The following ZFP64 variants were observed in gnomAD, a reference collection of about 807,000 sequenced individuals.
ZFP64 encodes the protein zinc finger protein 64.
Under a neutral mutation model 51.6 loss-of-function variants are expected in ZFP64, and 14 were observed. The observed-to-expected ratio is 0.27, with a 90% CI of 0.18 to 0.42. The LOEUF (loss-of-function observed/expected upper bound fraction) is 0.42, where lower values mean the gene tolerates loss of function less well. Among genes scored for constraint, ZFP64 ranks in the 10% least tolerant of loss-of-function variants. The pLI, the probability that ZFP64 is intolerant of heterozygous loss-of-function variation, is 1.00. For synonymous variants in ZFP64, 375 were observed against 361.4 expected (o/e 1.04, Z -0.43); for missense variants, 754 against 906.8 (o/e 0.83, Z 2.16).
At chr20:52,136,252 G>A (rs1208200724) in intron 5 of ZFP64, among the ~76,000 whole-genome samples, 1 of 151,938 alleles carries the variant, frequency 6.6e-6, no homozygotes, top group African/African-American at 2.4e-5. Flanking sequence ...CGCAGAGAAA[G>A]TGACCCATTA....
At chr20:52,105,217 G>A (rs1568949765) in intron 5 of ZFP64, 1 of 1,375,514 alleles carries the variant, frequency 7.3e-7, no homozygotes, top group East Asian at 3.0e-5. Flanking sequence ...GCTGGGGCTT[G>A]GCCTGCTTGC....
rs553624443 is a variant in ZFP64 at position 52,158,293 on chromosome 20, C to T, written c.763+1830G>A. 5.3e-5 allele frequency among the ~76,000 whole-genome samples: 8 copies of T among 152,286 alleles called. No homozygotes were observed. In the South Asian group the frequency reaches 8.3e-4, roughly 16 times the overall value. ...CCATATCCAGACCCAAGGGAGATCA[C>T]GCAATTGTGGTCTTTAAGGCTGATC... On this transcript the variant is annotated intron_variant, in intron 5 of 5. Transcript: ENST00000216923.
intron 7 of ZFP64, among the ~76,000 whole-genome samples, chr20:52,095,067 T>C (rs947500228): frequency 6.6e-6 from 1 of 152,230 alleles, no homozygotes; most frequent in African/African-American, 2.4e-5. Flanking sequence ...TTTGCATATG[T>C]TAATTTACTT....
At chr20:52,175,992 G>A (rs1461792841) in intron 2 of ZFP64, 1 of 985,378 alleles carries the variant, frequency 1.0e-6, no homozygotes, top group Non-Finnish European at 1.2e-6. Flanking sequence ...CCCTCCCCAG[G>A]GGTGAGTGGC....
rs2078855618 is a variant in ZFP64, at chr20:52,085,560, C to A, written c.1229-294G>T. ...AACCCAGGCACTATGGCACTCAAGT[C>A]CATACTCTTGATGACCCCTTCAGTT... On this transcript the variant is annotated intron_variant, in intron 8 of 8. Coordinates refer to the ZFP64 transcript ENST00000361387. The surrounding 1 kb of genome is among the most constrained non-coding windows in gnomAD (Gnocchi z 4.3). Among the ~76,000 whole-genome samples the A allele has an allele frequency of 6.6e-6, 1 of 152,170 alleles. No homozygotes were observed. The highest frequency in any genetic ancestry group is 1.5e-5 in the Non-Finnish European group (1 of 68,040).
chr20:52,165,656 GA>G, intron 3 of ZFP64: 1 of 747,950 alleles, frequency 1.3e-6, no homozygotes. Flanking sequence ...CCTATGGCTA[GA>G]AAAGTCTTAG....
chr20:52,128,177 G>A (rs1485123457), intron 5 of ZFP64, among the ~76,000 whole-genome samples: 8 of 152,286 alleles, frequency 5.3e-5, no homozygotes, highest in Admixed American at 2.0e-4. Context: ...GGTGGCTCAC[G>A]CCTCTAATCA....
In ZFP64 at chr20:52,115,046, AC is replaced by A. The variant is rs67327910; in HGVS notation, c.764-16460del. On this transcript the variant is annotated intron_variant, in intron 5 of 8. Transcript: ENST00000361387. ...CACTGTCTCTACCAAAAATACAAAA[AC>A]AAAAAAAATTAGCCAGGTATGGTGG... Among the ~76,000 whole-genome samples, 1,189 of 151,536 alleles carry A rather than the reference AC, an allele frequency of 7.8e-3. 9 individuals carry two copies. The highest frequency in any genetic ancestry group is 0.027 in the African/African-American group (1,104 of 41,382).
Position 52,151,950 on chromosome 20 carries a change from T to C in ZFP64, c.*196A>G. The C allele has an allele frequency of 8.1e-7, 1 of 1,239,136 alleles. No homozygotes were observed. The highest frequency in any genetic ancestry group is 1.1e-6 in the Non-Finnish European group (1 of 932,832). 76.8% of individuals were successfully genotyped at this position (1,239,136 alleles called of 1,614,324 possible). A position where few individuals can be genotyped will look rare whatever the true frequency, so the allele number is the denominator to read the frequency against. Reference sequence around the variant, plus strand: ...TACTCGGAGGGCTGAGGCATGAGAATCGCTTGAACCTGGGAGGCGGACGTT... The same window carrying C: ...TACTCGGAGGGCTGAGGCATGAGAACCGCTTGAACCTGGGAGGCGGACGTT... On this transcript the variant is annotated 3_prime_UTR_variant, in exon 6 of 6. Transcript: ENST00000216923.
rs1981699089 is a variant in ZFP64, at chr20:52,160,488, A to T, written c.512-114T>A. The T allele has an allele frequency of 1.5e-6, 2 of 1,372,268 alleles. No individual in the cohort carries two copies. The allele number at this position is 1,372,268 out of a possible 1,614,324, so 85.0% of individuals were successfully genotyped here. A position where few individuals can be genotyped will look rare whatever the true frequency, so the allele number is the denominator to read the frequency against. ...TATACAACCACCGAAGAATATTCCA[A>T]AAACCCTAAAACACTGGGTGGATGA... is the stretch of plus-strand genomic sequence containing the variant. On this transcript the variant is annotated intron_variant, in intron 4 of 5. Transcript: ENST00000216923. This position sits in a 1 kb window ranked among gnomAD's most constrained non-coding sequence, Gnocchi z 4.2.
intron 2 of ZFP64, among the ~76,000 whole-genome samples, chr20:52,174,830 T>C (rs541637441): frequency 1.3e-5 from 2 of 152,314 alleles, no homozygotes; most frequent in South Asian, 4.1e-4. Context: ...TACTTGGTGA[T>C]TATATAATTA....
At position 52,160,050 on chromosome 20, in the gene ZFP64, A is replaced by G; in HGVS notation, c.763+73T>C. The G allele has an allele frequency of 1.3e-6, 2 of 1,592,994 alleles. No homozygotes were observed. Among genetic ancestry groups the G allele is most frequent in the African/African-American group, 1.3e-5 (1 of 74,194 alleles). ...ACTCGATTTCTTACATTGTGGCTGA[A>G]TGCTTTAAGGTGCTTATGATTTATG... On this transcript the variant is annotated intron_variant, in intron 5 of 5. Transcript: ENST00000216923. The surrounding 1 kb of genome is among the most constrained non-coding windows in gnomAD (Gnocchi z 4.2).
intron 5 of ZFP64, among the ~76,000 whole-genome samples, chr20:52,119,576 A>AACACACACACAC (rs138828393): frequency 6.2e-4 from 82 of 132,558 alleles, no homozygotes; most frequent in South Asian, 2.4e-3. Context: ...ATACACACAC[A>AACACACACACAC]ACACACACAC....
chr20:52,110,731 C>A, intron 5 of ZFP64: 2 of 1,595,774 alleles, frequency 1.3e-6, no homozygotes, highest in Non-Finnish European at 1.7e-6. Context: ...CTTAACTGCC[C>A]CAGTACATGG....
In ZFP64 at chr20:52,152,246, G is replaced by C. The variant is rs201509797; in HGVS notation, c.1946C>G (p.Ser649Cys). ...GGGTAGTTCTTGCTGGGAAGAGGAG[G>C]AGAAGACCGGTGGCGCTGTGGTGGC... The part of the protein sequence containing the change: ...AVATTAPPVF[S>C]SSSQQELPKQ... Residue 649 changes from serine to cysteine, a missense_variant, in exon 6 of 6, where the codon TCC becomes TGC. Ser to Cys is a moderately radical substitution (Grantham distance 112). Coordinates refer to ENST00000216923, the MANE Select transcript of ZFP64 (RefSeq NM_018197.3). 1.9e-6 allele frequency: 3 copies of C among 1,614,040 alleles called. No homozygotes were observed. Among genetic ancestry groups the C allele is most frequent in the Non-Finnish European group, 2.5e-6 (3 of 1,180,040 alleles).
At chr20:52,182,451 G>A (rs1475908030) in intron 2 of ZFP64, among the ~76,000 whole-genome samples, 4 of 152,218 alleles carry the variant, frequency 2.6e-5, no homozygotes, top group African/African-American at 7.2e-5. Flanking sequence ...GGGTGCAGTG[G>A]CTCATGCCTG....
intron 5 of ZFP64, among the ~76,000 whole-genome samples, chr20:52,138,295 G>A (rs1037306599): frequency 5.3e-5 from 8 of 151,810 alleles, no homozygotes; most frequent in Non-Finnish European, 1.2e-4. Context: ...AGTTAAAAAG[G>A]AAAAAGGAGA....
At chr20:52,098,520 C>T in exon 6 of ZFP64, 6 of 1,614,122 alleles carry the variant, frequency 3.7e-6, no homozygotes, top group Non-Finnish European at 4.2e-6. Flanking sequence ...TGACAGGGGC[C>T]TTCGGAGTGT....
chr20:52,104,813 G>A (rs1220569408), intron 5 of ZFP64: 4 of 614,132 alleles, frequency 6.5e-6, no homozygotes, highest in Non-Finnish European at 1.3e-5. Flanking sequence ...GGAGACTCGG[G>A]TGCCCGCGCA....
Sources: allele counts gnomAD v4.1 joint callset (sites outside exome capture counted in the v4.1 genomes callset), GRCh38; gene constraint gnomAD v4.1.1; non-coding constraint Gnocchi (gnomAD v3.1); transcripts MANE v1.5; gene names NCBI Gene and HGNC (gene_info 2026-07-23, HGNC 2026-07-21).